TP53BP2: variants seen among roughly 807,000 people sequenced by gnomAD.
TP53BP2 encodes tumor protein p53 binding protein 2, also known as apoptosis-stimulating of p53 protein 2.
In TP53BP2, 62 loss-of-function variants were observed where a neutral mutation model predicts 126.2. The observed-to-expected ratio is 0.49, with a 90% CI of 0.40 to 0.61. The LOEUF (loss-of-function observed/expected upper bound fraction) is 0.61. Ranked by LOEUF, TP53BP2 falls within the 20% of genes least tolerant of loss-of-function variation. The probability of loss-of-function intolerance (pLI) is 0.00; values close to 1 mark genes in which losing one functional copy is unlikely to be tolerated. For missense variants in TP53BP2, 1,215 were observed against 1,402.8 expected, an observed-to-expected ratio of 0.87 and a Z score of 2.14; for synonymous variants, 485 against 502.9, an observed-to-expected ratio of 0.96 and a Z score of 0.48.
intron 17 of TP53BP2, among the ~76,000 whole-genome samples, chr1:223,782,325 G>A (rs1661802454): frequency 6.6e-6 from 1 of 152,120 alleles, no homozygotes; most frequent in South Asian, 2.1e-4. Context: ...GTCTTTCCCA[G>A]ATAAGAAACT....
chr1:223,787,897 A>G (rs777777267), intron 16 of TP53BP2, among the ~76,000 whole-genome samples: 1 of 151,716 alleles, frequency 6.6e-6, no homozygotes, highest in African/African-American at 2.4e-5. Flanking sequence ...TAAATAAATA[A>G]ATAAATAGAT....
At chr1:223,822,546 G>A (rs929319952) in intron 1 of TP53BP2, among the ~76,000 whole-genome samples, 1 of 152,026 alleles carries the variant, frequency 6.6e-6, no homozygotes, top group Admixed American at 6.6e-5. Context: ...GCACATGCCT[G>A]TGGTCCCTGC....
intron 1 of TP53BP2, among the ~76,000 whole-genome samples, chr1:223,827,774 C>T (rs1663551548): frequency 6.6e-6 from 1 of 151,694 alleles, no homozygotes; most frequent in Non-Finnish European, 1.5e-5. Context: ...TTCCCTTTTC[C>T]TTCCTTTACT....
chr1:223,806,177 G>A (rs1662708371), intron 5 of TP53BP2, among the ~76,000 whole-genome samples: 1 of 152,160 alleles, frequency 6.6e-6, no homozygotes, highest in South Asian at 2.1e-4. Flanking sequence ...CTATGGTATG[G>A]TTATACCATG....
chr1:223,823,103 T>G (rs1465577630), intron 1 of TP53BP2, among the ~76,000 whole-genome samples: 2 of 152,148 alleles, frequency 1.3e-5, no homozygotes, highest in Admixed American at 1.3e-4. Context: ...GTTTTAAGAC[T>G]GCAAAAAAGC....
chr1:223,789,204 G>A (rs1286115439), intron 15 of TP53BP2, 30 bp from the exon 16 acceptor site: 2 of 1,610,730 alleles, frequency 1.2e-6, no homozygotes, highest in Admixed American at 3.3e-5. Flanking sequence ...GGCTAGAACT[G>A]TTTTCCTAAA....
chr1:223,801,255 A>G (rs1662516122), intron 9 of TP53BP2, among the ~76,000 whole-genome samples: 1 of 152,252 alleles, frequency 6.6e-6, no homozygotes, highest in African/African-American at 2.4e-5. Flanking sequence ...CTACACTGAT[A>G]CTTAAATTTC....
In TP53BP2 at chr1:223,804,270, G is replaced by C. The variant is rs759474116; in HGVS notation, c.553C>G (p.Leu185Val). The change falls in exon 6 of 18, where the codon CTA (leucine) becomes GTA (valine). Residue 185 changes from leucine (L) to valine (V), a missense_variant. Coordinates refer to ENST00000343537, the MANE Select transcript of TP53BP2 (RefSeq NM_001031685.3). Reference sequence around the variant, plus strand: ...TCCTGATTCTCAGCTATTTCTTTTAGCCTTTTAAGTTTCTCCTGCTCAGCA... The same window carrying C: ...TCCTGATTCTCAGCTATTTCTTTTACCCTTTTAAGTTTCTCCTGCTCAGCA... Reference protein sequence around the residue: ...QVAEQEKLKRLKEIAENQEAK... With the variant: ...QVAEQEKLKRVKEIAENQEAK... The C allele has an allele frequency of 2.5e-6, 4 of 1,613,872 alleles. No individual in the cohort carries two copies.
At chr1:223,812,805 T>G (rs567040172) in intron 3 of TP53BP2, among the ~76,000 whole-genome samples, 55 of 152,182 alleles carry the variant, frequency 3.6e-4, no homozygotes, top group African/African-American at 1.3e-3. Flanking sequence ...TTCGTGATCC[T>G]CCCGCCTCGT....
intron 1 of TP53BP2, chr1:223,834,822 A>G: frequency 1.0e-6 from 1 of 985,204 alleles, no homozygotes; most frequent in Non-Finnish European, 1.2e-6. Flanking sequence ...ATCCCTACCC[A>G]CACACTCACC....
chr1:223,811,436 T>C (rs1193845649), intron 3 of TP53BP2, among the ~76,000 whole-genome samples: 1 of 152,212 alleles, frequency 6.6e-6, no homozygotes, highest in African/African-American at 2.4e-5. Context: ...GTATCACACT[T>C]GCACCTAATT....
intron 17 of TP53BP2, 82 bp downstream of exon 17, chr1:223,784,033 A>G: frequency 8.2e-7 from 1 of 1,221,400 alleles, no homozygotes; most frequent in South Asian, 1.2e-5. Flanking sequence ...AGTTTGGTGC[A>G]CTGTACACAT....
intron 4 of TP53BP2, 89 bp from the exon 5 acceptor site, chr1:223,807,036 C>A: frequency 1.1e-6 from 1 of 892,332 alleles, no homozygotes; most frequent in South Asian, 1.6e-5. Flanking sequence ...GTAAAAGCTT[C>A]ATATGAACCA....
At chr1:223,841,367 A>C (rs1339809725) in intron 1 of TP53BP2, among the ~76,000 whole-genome samples, 1 of 152,224 alleles carries the variant, frequency 6.6e-6, no homozygotes, top group Non-Finnish European at 1.5e-5. Context: ...TTAGGGACCT[A>C]ATCTAAACTT....
intron 1 of TP53BP2, among the ~76,000 whole-genome samples, chr1:223,835,907 T>C (rs1413703487): frequency 6.6e-6 from 1 of 151,604 alleles, no homozygotes; most frequent in Non-Finnish European, 1.5e-5. Context: ...TGAAGTCCAG[T>C]GAGAACAGAA....
At chr1:223,844,765 CCA>C (rs888576860) in intron 1 of TP53BP2, among the ~76,000 whole-genome samples, 4 of 152,194 alleles carry the variant, frequency 2.6e-5, no homozygotes, top group African/African-American at 9.7e-5. Context: ...TCACTCCATT[CCA>C]CAGACTTCAT....
chr1:223,799,077 ATATATC>A (rs1293119406), intron 11 of TP53BP2, among the ~76,000 whole-genome samples: 2 of 152,152 alleles, frequency 1.3e-5, no homozygotes, highest in Non-Finnish European at 2.9e-5. Flanking sequence ...ATCTCGGAAA[ATATATC>A]TATATAAGCT....
At chr1:223,793,533 G>C in intron 13 of TP53BP2, 93 bp from the exon 14 acceptor site, 1 of 1,266,582 alleles carries the variant, frequency 7.9e-7, no homozygotes, top group East Asian at 2.7e-5. Context: ...ACCTAAATTA[G>C]TGAGAGGCAC....
chr1:223,780,113 G>GT lies in TP53BP2; in HGVS notation c.*739dup, dbSNP rs1661719238. ...TAGCATCAAAAAGTTTATTACAACT[G>GT]TTTTTAAAGTCAGCTATGATCTTGA... On this transcript the variant is annotated 3_prime_UTR_variant, in exon 18 of 18. Coordinates refer to ENST00000343537, the MANE Select transcript of TP53BP2 (RefSeq NM_001031685.3). 6.6e-6 allele frequency: 1 copy of GT among 152,176 alleles called. No homozygotes were observed. The highest frequency in any genetic ancestry group is 2.4e-5 in the African/African-American group (1 of 41,436). 9.4% of individuals were successfully genotyped at this position (152,176 alleles called of 1,614,324 possible).
Sources: allele counts gnomAD v4.1 joint callset (sites outside exome capture counted in the v4.1 genomes callset), GRCh38; gene constraint gnomAD v4.1.1; transcripts MANE v1.5; gene names NCBI Gene and HGNC (gene_info 2026-07-23, HGNC 2026-07-21).